MCHR2: variants seen among roughly 807,000 people sequenced by gnomAD.
The protein encoded by MCHR2 is melanin-concentrating hormone receptor 2.
Under a neutral mutation model 24.8 loss-of-function variants are expected in MCHR2, and 15 were observed. That is an observed-to-expected ratio of 0.60 (90% CI 0.40 to 0.93). The LOEUF is 0.93. Ranked by LOEUF, MCHR2 falls within the 40% of genes least tolerant of loss-of-function variation. MCHR2 has a pLI of 0.00. For missense variants in MCHR2, 386 were observed against 408.7 expected, an observed-to-expected ratio of 0.94 and a Z score of 0.48; for synonymous variants, 151 against 147.6, an observed-to-expected ratio of 1.02 and a Z score of -0.17.
chr6:99,956,047 G>C lies in MCHR2; in HGVS notation c.101C>G (p.Thr34Arg). ...CCCAATCATGGAAGGGAGGATGACT[G>C]TATCTACCACACTGGCAGTTTGATA... Reference protein sequence around the residue: ...FAYQTASVVDTVILPSMIGII... With the variant: ...FAYQTASVVDRVILPSMIGII... The change falls in exon 2 of 6, where the codon ACA becomes AGA. Residue 34 changes from threonine (T) to arginine (R), a missense_variant. Transcript: ENST00000281806. 3 of 1,613,320 alleles carry C rather than the reference G, an allele frequency of 1.9e-6. No individual in the cohort carries two copies. Among genetic ancestry groups the C allele is most frequent in the Admixed American group, 1.7e-5 (1 of 59,928 alleles).
intron 5 of MCHR2, among the ~76,000 whole-genome samples, chr6:99,927,493 G>T (rs1052338693): frequency 4.6e-5 from 7 of 152,086 alleles, no homozygotes; most frequent in African/African-American, 1.7e-4. Flanking sequence ...CCATTTCTTT[G>T]TATCCTCTTT....
intron 1 of MCHR2, among the ~76,000 whole-genome samples, chr6:99,969,889 A>T (rs1172562728): frequency 2.0e-5 from 3 of 150,258 alleles, no homozygotes; most frequent in Non-Finnish European, 4.4e-5. Context: ...AAGGACATGA[A>T]CTCTTCATTT....
intron 3 of MCHR2, among the ~76,000 whole-genome samples, chr6:99,945,940 TAC>T (rs2114525937): frequency 6.6e-6 from 1 of 152,106 alleles, no homozygotes; most frequent in African/African-American, 2.4e-5. Flanking sequence ...TTTAAAAACA[TAC>T]ACAGTTTGTC....
At chr6:99,926,366 G>C (rs1174381917) in intron 5 of MCHR2, among the ~76,000 whole-genome samples, 2 of 152,072 alleles carry the variant, frequency 1.3e-5, no homozygotes, top group Non-Finnish European at 2.9e-5. Context: ...GGGATGGCTG[G>C]GTCAAATAGT....
intron 1 of MCHR2, among the ~76,000 whole-genome samples, chr6:99,978,454 GCT>G (rs1224664930): frequency 8.8e-6 from 1 of 113,708 alleles, no homozygotes; most frequent in Non-Finnish European, 1.7e-5. Context: ...ACGGAGTCTT[GCT>G]CTGTCAGGCT....
Position 99,956,944 on chromosome 6 carries a change from A to ATGTGTG in MCHR2, c.-27-776_-27-771dup, listed in dbSNP as rs3038362. The stretch of plus-strand genomic sequence containing the variant: ...CTGAAAATAAAATATGCTGGACAAA[A>ATGTGTG]TGTGTGTGTGTGTGTGTGTGTATTT... On this transcript the variant is annotated intron_variant, in intron 1 of 5. Transcript: ENST00000281806. Among the ~76,000 whole-genome samples, 29 of 150,338 alleles carry ATGTGTG rather than the reference A, an allele frequency of 1.9e-4. 1 individual carries two copies. The East Asian group carries it at 2.1e-3, about 11-fold the overall frequency.
intron 2 of MCHR2, among the ~76,000 whole-genome samples, chr6:99,955,203 A>G (rs1054178124): frequency 6.6e-6 from 1 of 152,334 alleles, no homozygotes; most frequent in Admixed American, 6.5e-5. Context: ...GATAGTAAAT[A>G]TACCAAGTAG....
chr6:99,958,304 A>G (rs1452336399), intron 1 of MCHR2, among the ~76,000 whole-genome samples: 2 of 152,236 alleles, frequency 1.3e-5, no homozygotes, highest in East Asian at 1.9e-4. Context: ...AATCTCACCT[A>G]TATAAATATA....
chr6:99,947,558 A>G (rs1373373284), intron 3 of MCHR2, among the ~76,000 whole-genome samples: 1 of 152,120 alleles, frequency 6.6e-6, no homozygotes, highest in Admixed American at 6.6e-5. Flanking sequence ...AGAAAAAAGG[A>G]GATTTTTGTG....
rs368468334 is a variant in MCHR2 at position 99,956,113 on chromosome 6, G to C, written c.35C>G (p.Ser12Cys). The C allele has an allele frequency of 6.2e-6, 10 of 1,613,102 alleles. No individual in the cohort carries two copies. Among genetic ancestry groups the C allele is most frequent in the Non-Finnish European group, 7.6e-6 (9 of 1,179,462 alleles). ...CCAGGATTTGTTTAAAAGTTCGGCA[G>C]AGGTGTTCCAACAAGATGCATGAAA... ...NPFHASCWNT[S>C]AELLNKSWNK... The change falls in exon 2 of 6, where the codon TCT (serine) becomes TGT (cysteine). Residue 12 changes from serine to cysteine, a missense_variant. Transcript: ENST00000281806.
At chr6:99,986,202 G>A (rs756788523) in intron 1 of MCHR2, among the ~76,000 whole-genome samples, 2 of 152,070 alleles carry the variant, frequency 1.3e-5, no homozygotes, top group Non-Finnish European at 2.9e-5. Flanking sequence ...CAGAGAAAAG[G>A]AATACTTTTA....
At chr6:99,979,820 C>T (rs748340656) in intron 1 of MCHR2, among the ~76,000 whole-genome samples, 1 of 152,130 alleles carries the variant, frequency 6.6e-6, no homozygotes, top group African/African-American at 2.4e-5. Context: ...TTCTGATTTA[C>T]CTTATATCCC....
intron 2 of MCHR2, among the ~76,000 whole-genome samples, chr6:99,949,091 C>G (rs1214197624): frequency 6.6e-6 from 1 of 152,104 alleles, no homozygotes; most frequent in African/African-American, 2.4e-5. Context: ...CTTCAAGGAG[C>G]TGGCACATTC....
At chr6:99,977,044 A>G (rs1775565183) in intron 1 of MCHR2, among the ~76,000 whole-genome samples, 1 of 152,130 alleles carries the variant, frequency 6.6e-6, no homozygotes. Flanking sequence ...GTTATATTTT[A>G]GTGATTTTGG....
intron 5 of MCHR2, among the ~76,000 whole-genome samples, chr6:99,928,622 C>A (rs988326366): frequency 6.6e-6 from 1 of 152,080 alleles, no homozygotes; most frequent in Non-Finnish European, 1.5e-5. Context: ...AGTTTATTTG[C>A]GTAGAGGTGT....
In MCHR2 at chr6:99,940,893, T is replaced by C. The variant is rs892466353; in HGVS notation, c.587+2056A>G. ...CTAGGGGTTTGTCCAGGGGACCTGC[T>C]GAATGTACCTCCTGGAGTGTACTGC... On this transcript the variant is annotated intron_variant, in intron 4 of 5. Coordinates refer to ENST00000281806, the MANE Select transcript of MCHR2 (RefSeq NM_001040179.2). Among the ~76,000 whole-genome samples, 9 of 152,244 alleles carry C rather than the reference T, an allele frequency of 5.9e-5. No homozygotes were observed. In the South Asian group the frequency reaches 1.2e-3, roughly 21 times the overall value.
At chr6:99,928,944 G>C (rs905390119) in intron 5 of MCHR2, among the ~76,000 whole-genome samples, 3 of 151,760 alleles carry the variant, frequency 2.0e-5, no homozygotes, top group Non-Finnish European at 4.4e-5. Context: ...TGTCAATTTT[G>C]GATCTTTCCT....
intron 4 of MCHR2, among the ~76,000 whole-genome samples, chr6:99,941,031 T>C (rs547561307): frequency 2.0e-5 from 3 of 152,178 alleles, no homozygotes; most frequent in Non-Finnish European, 2.9e-5. Flanking sequence ...CCAGAACTTA[T>C]GATACTTCCC....
intron 1 of MCHR2, among the ~76,000 whole-genome samples, chr6:99,964,283 C>T (rs1180507844): frequency 1.3e-5 from 2 of 152,108 alleles, no homozygotes; most frequent in Non-Finnish European, 2.9e-5. Context: ...TAAAGATACA[C>T]ATGTTTATAT....
Sources: gnomAD v4.1 joint callset for allele counts (sites outside exome capture counted in the v4.1 genomes callset) on GRCh38, gnomAD v4.1.1 for gene constraint, MANE v1.5 for transcripts, NCBI Gene and HGNC (gene_info 2026-07-23, HGNC 2026-07-21) for gene names.